Variants in PLCE1 observed in about 807,000 individuals in gnomAD.
PLCE1 encodes 1-phosphatidylinositol 4,5-bisphosphate phosphodiesterase epsilon-1.
PLCE1 carries 119 observed loss-of-function variants against 242.8 expected under a neutral mutation model. The ratio of observed to expected loss-of-function variants is 0.49; its 90% CI spans 0.42 to 0.57. The LOEUF is 0.57. PLCE1 is among the 20% of genes least tolerant of loss of function. The pLI, the probability that PLCE1 is intolerant of heterozygous loss-of-function variation, is 0.00. For synonymous variants in PLCE1, 945 were observed against 1,017.4 expected, an observed-to-expected ratio of 0.93 and a Z score of 1.35; for missense variants, 2,441 against 2,788.8, an observed-to-expected ratio of 0.88 and a Z score of 2.81.
chr10:94,257,408 T>C (rs2051137687), intron 11 of PLCE1, among the ~76,000 whole-genome samples: 2 of 151,924 alleles, frequency 1.3e-5, no homozygotes, highest in Admixed American at 1.3e-4. Context: ...GACCCAGCCA[T>C]CCCATTACTG....
chr10:94,281,421 G>T (rs1204957701), intron 20 of PLCE1, among the ~76,000 whole-genome samples: 5 of 152,218 alleles, frequency 3.3e-5, no homozygotes, highest in South Asian at 2.1e-4. Flanking sequence ...GTTTTGATTT[G>T]CAAGTAACAA....
At chr10:94,108,396 G>A in intron 2 of PLCE1, 1 of 152,340 alleles carries the variant, frequency 6.6e-6, no homozygotes, top group South Asian at 2.1e-4. Flanking sequence ...CTTGGGCTGT[G>A]AGTCAGAAGA....
At chr10:94,294,437 G>A (rs1359360698) in intron 23 of PLCE1, among the ~76,000 whole-genome samples, 1 of 152,094 alleles carries the variant, frequency 6.6e-6, no homozygotes, top group Non-Finnish European at 1.5e-5. Flanking sequence ...AGAAAAATAA[G>A]ATCCTTTTTA....
At chr10:94,064,981 T>C (rs1343462894) in intron 2 of PLCE1, among the ~76,000 whole-genome samples, 2 of 152,220 alleles carry the variant, frequency 1.3e-5, no homozygotes, top group Admixed American at 1.3e-4. Flanking sequence ...TGTTCTAAAC[T>C]CAAGAGTATT....
At position 94,171,558 on chromosome 10, in the gene PLCE1, C is replaced by T. The variant is rs369176079; in HGVS notation, c.1809+62C>T. 174 of 1,284,496 alleles carry T rather than the reference C, an allele frequency of 1.4e-4. No homozygotes were observed. The African/African-American group carries it at 2.3e-3, about 17-fold the overall frequency. The allele number at this position is 1,284,496 out of a possible 1,614,324, so 79.6% of individuals were successfully genotyped here. A position where few individuals can be genotyped will look rare whatever the true frequency, so the allele number is the denominator to read the frequency against. On this transcript the variant is annotated intron_variant, in intron 4 of 32. Coordinates refer to ENST00000371380, the MANE Select transcript of PLCE1 (RefSeq NM_016341.4). Reference sequence around the variant, plus strand: ...CACCCGTAAGTGATTTTCAAGCATACCTCCCCTTCTAGGTTTGTCTGTTCC... The same window carrying T: ...CACCCGTAAGTGATTTTCAAGCATATCTCCCCTTCTAGGTTTGTCTGTTCC...
intron 2 of PLCE1, among the ~76,000 whole-genome samples, chr10:94,038,444 A>G (rs2061707705): frequency 6.6e-6 from 1 of 152,184 alleles, no homozygotes; most frequent in Middle Eastern, 3.2e-3. Context: ...CACATTAAAT[A>G]TAGGTCTTCT....
chr10:94,303,444 G>T (rs561319812), intron 24 of PLCE1, among the ~76,000 whole-genome samples: 1 of 152,292 alleles, frequency 6.6e-6, no homozygotes. Flanking sequence ...CAACAAAAAA[G>T]CCTCTGTGAA....
chr10:94,270,794 C>T (rs1352504007), intron 18 of PLCE1, among the ~76,000 whole-genome samples, 192 bp downstream of exon 18: 2 of 151,986 alleles, frequency 1.3e-5, no homozygotes, highest in South Asian at 2.1e-4. Context: ...CTCAGCCTCC[C>T]GAGTAGCTGG....
intron 27 of PLCE1, among the ~76,000 whole-genome samples, chr10:94,309,083 C>T (rs192484008): frequency 5.0e-4 from 76 of 152,274 alleles, no homozygotes; most frequent in Non-Finnish European, 8.8e-4. Flanking sequence ...GCTTATTATG[C>T]GAAGCCTAGT....
chr10:94,269,094 CTTTTT>C (rs71031565), intron 17 of PLCE1, 58 bp downstream of exon 17: 185 of 311,684 alleles, frequency 5.9e-4, no homozygotes, highest in Non-Finnish European at 6.9e-4. Context: ...CTTCATTTGT[CTTTTT>C]TTTTTTTTTT....
rs1178303936 is a variant in PLCE1 at position 94,030,764 on chromosome 10, A to T, written c.-283A>T. 3 of 441,648 alleles carry T rather than the reference A, an allele frequency of 6.8e-6. No homozygotes were observed. The highest frequency in any genetic ancestry group is 6.0e-5 in the African/African-American group (3 of 50,226). The allele number at this position is 441,648 out of a possible 1,614,324, so 27.4% of individuals were successfully genotyped here. On this transcript the variant is annotated 5_prime_UTR_variant, in exon 2 of 33. The change creates a premature stop within an existing upstream ORF in the 5' untranslated region. Transcript: ENST00000371380. ...GAAGTTGCAGAGTGCAATCCCGAGT[A>T]AAAGTCTTCAAAAAATTTTGCTTCA...
At chr10:94,046,901 A>G (rs924320380) in intron 2 of PLCE1, among the ~76,000 whole-genome samples, 7 of 152,248 alleles carry the variant, frequency 4.6e-5, no homozygotes, top group Non-Finnish European at 8.8e-5. Context: ...ATATGTTAAC[A>G]AACACGTTAC....
At chr10:93,997,625 A>C (rs2060850489) in intron 1 of PLCE1, among the ~76,000 whole-genome samples, 1 of 146,614 alleles carries the variant, frequency 6.8e-6, no homozygotes, top group African/African-American at 2.6e-5. Flanking sequence ...CAAAACAAAT[A>C]ACCATCCTTT....
intron 1 of PLCE1, among the ~76,000 whole-genome samples, chr10:94,020,928 C>T (rs1265565430): frequency 2.0e-5 from 3 of 152,170 alleles, no homozygotes. Flanking sequence ...CTCCTGGCTT[C>T]AAGTGATTCT....
chr10:94,271,801 TATAAAG>T (rs2051751878), intron 18 of PLCE1, among the ~76,000 whole-genome samples: 1 of 152,096 alleles, frequency 6.6e-6, no homozygotes, highest in Non-Finnish European at 1.5e-5. Context: ...CAGTCTGAGA[TATAAAG>T]AGAAAGAATA....
chr10:94,182,790 G>A lies in PLCE1; in HGVS notation c.1809+11294G>A, dbSNP rs2048354132. On this transcript the variant is annotated intron_variant, in intron 4 of 32. Coordinates refer to ENST00000371380, the MANE Select transcript of PLCE1 (RefSeq NM_016341.4). The stretch of plus-strand genomic sequence containing the variant: ...GTGTCTCTAGAATTTAACTGGCCCA[G>A]AAAGTTAACTGTCAAAGCCATTGAC... 2.6e-5 allele frequency among the ~76,000 whole-genome samples: 4 copies of A among 152,088 alleles called. No homozygotes were observed. In the South Asian group the frequency reaches 8.3e-4, roughly 32 times the overall value.
intron 3 of PLCE1, among the ~76,000 whole-genome samples, chr10:94,170,406 G>T (rs367801944): frequency 2.8e-4 from 42 of 152,316 alleles, no homozygotes; most frequent in African/African-American, 9.9e-4. Context: ...AGGCAAGTAT[G>T]TGGCTCTAAT....
At chr10:94,286,594 A>C (rs2052457297) in intron 22 of PLCE1, among the ~76,000 whole-genome samples, 1 of 152,198 alleles carries the variant, frequency 6.6e-6, no homozygotes, top group Non-Finnish European at 1.5e-5. Flanking sequence ...TATTAAAATC[A>C]TTTTAATTGT....
chr10:94,029,280 A>G lies in PLCE1; in HGVS notation c.-364-1403A>G, dbSNP rs1240713525. 2.6e-5 allele frequency among the ~76,000 whole-genome samples: 4 copies of G among 152,170 alleles called. No individual in the cohort carries two copies. The South Asian group carries it at 6.2e-4, about 24-fold the overall frequency. On this transcript the variant is annotated intron_variant, in intron 1 of 32. Coordinates refer to ENST00000371380, the MANE Select transcript of PLCE1 (RefSeq NM_016341.4). Reference sequence around the variant, plus strand: ...GCTTTGGCCTGAAAAATCTCTTTAAAAAATAGAGCAGATATTTGAATTCAA... The same window carrying G: ...GCTTTGGCCTGAAAAATCTCTTTAAGAAATAGAGCAGATATTTGAATTCAA...
Sources: gnomAD v4.1 joint callset for allele counts (sites outside exome capture counted in the v4.1 genomes callset) on GRCh38, gnomAD v4.1.1 for gene constraint, MANE v1.5 for transcripts, NCBI Gene and HGNC (gene_info 2026-07-23, HGNC 2026-07-21) for gene names.